The following ZNF385D variants were observed in gnomAD, a reference collection of about 807,000 sequenced individuals.
ZNF385D encodes zinc finger protein 385D.
A neutral mutation model predicts 35.8 loss-of-function variants in ZNF385D; 15 were observed. That is an observed-to-expected ratio of 0.42 (90% CI 0.28 to 0.64). The LOEUF is 0.64. Among genes scored for constraint, ZNF385D ranks in the 30% least tolerant of loss-of-function variants. The probability of loss-of-function intolerance (pLI) is 0.23; values close to 1 mark genes in which losing one functional copy is unlikely to be tolerated. For missense variants in ZNF385D, 474 were observed against 494.6 expected (o/e 0.96, Z 0.39); for synonymous variants, 212 against 186.8 (o/e 1.13, Z -1.10).
rs71044926 is a variant in ZNF385D, at chr3:21,580,807, GTATA to G, written c.166-16127_166-16124del. On this transcript the variant is annotated intron_variant, in intron 2 of 7. Coordinates refer to ENST00000281523, the MANE Select transcript of ZNF385D (RefSeq NM_024697.3). ...TATGTATGTTTGTGTCTATGTGTGT[GTATA>G]TATATATATGTATATACATATTATT... Among the ~76,000 whole-genome samples, 7 of 150,756 alleles carry G rather than the reference GTATA, an allele frequency of 4.6e-5. No homozygotes were observed. The Admixed American group carries it at 4.6e-4, about 10-fold the overall frequency.
At chr3:22,065,587 G>A (rs1699901713) in intron 3 of ZNF385D, among the ~76,000 whole-genome samples, 1 of 152,112 alleles carries the variant, frequency 6.6e-6, no homozygotes, top group Non-Finnish European at 1.5e-5. Flanking sequence ...AATTGGGCAT[G>A]GTGAAAAGAT....
chr3:22,171,222 G>C (rs1221822425), intron 2 of ZNF385D, among the ~76,000 whole-genome samples: 2 of 152,214 alleles, frequency 1.3e-5, no homozygotes, highest in Non-Finnish European at 2.9e-5. Flanking sequence ...GATAGTCACA[G>C]TAGGTGTGCC....
chr3:21,835,591 A>G (rs1387490747), intron 3 of ZNF385D, among the ~76,000 whole-genome samples: 3 of 152,096 alleles, frequency 2.0e-5, no homozygotes, highest in African/African-American at 7.2e-5. Context: ...ATCTTAGCAT[A>G]TGTTCTAATA....
rs375731218 is a variant in ZNF385D, at chr3:21,883,964, G to A, written c.326-218936C>T. 3.5e-4 allele frequency among the ~76,000 whole-genome samples: 53 copies of A among 152,034 alleles called. No homozygotes were observed. The South Asian group carries it at 0.011, about 30-fold the overall frequency. Reference sequence around the variant, plus strand: ...AATTTCTTGTCTTTCAAAGGGAATCGGTTTGTGCACCATTTTGTGATATCC... The same window carrying A: ...AATTTCTTGTCTTTCAAAGGGAATCAGTTTGTGCACCATTTTGTGATATCC... On this transcript the variant is annotated intron_variant, in intron 3 of 5. Transcript: ENST00000494108.
intron 2 of ZNF385D, among the ~76,000 whole-genome samples, chr3:21,567,397 C>A (rs570389087): frequency 6.6e-6 from 1 of 151,980 alleles, no homozygotes; most frequent in South Asian, 2.1e-4. Flanking sequence ...TTATTATTTC[C>A]CCAGAACCAA....
intron 2 of ZNF385D, among the ~76,000 whole-genome samples, chr3:21,626,671 C>T (rs2065143241): frequency 6.6e-6 from 1 of 152,136 alleles, no homozygotes; most frequent in East Asian, 1.9e-4. Flanking sequence ...ATGCAAGTGC[C>T]TATCATCTTT....
At chr3:21,477,354 G>C (rs1180939819) in intron 4 of ZNF385D, among the ~76,000 whole-genome samples, 2 of 152,118 alleles carry the variant, frequency 1.3e-5, no homozygotes, top group Admixed American at 1.3e-4. Flanking sequence ...CTTGAGCCAG[G>C]AGATGGAAGC....
rs142597219 is a variant in ZNF385D, at chr3:21,424,197, G to A, written c.853-133C>T. On this transcript the variant is annotated intron_variant, in intron 6 of 7. Transcript: ENST00000281523. Reference sequence around the variant, plus strand: ...CAGAAAGACAAAAATAAAAGATCATGCACTTTTGTCCTGAGATTCTGATGC... The same window carrying A: ...CAGAAAGACAAAAATAAAAGATCATACACTTTTGTCCTGAGATTCTGATGC... 527 of 653,344 alleles carry A rather than the reference G, an allele frequency of 8.1e-4. 3 individuals are homozygous for A. The African/African-American group carries it at 1.0e-2, about 12-fold the overall frequency. 40.5% of individuals were successfully genotyped at this position (653,344 alleles called of 1,614,324 possible). A position where few individuals can be genotyped will look rare whatever the true frequency, so the allele number is the denominator to read the frequency against.
At chr3:22,300,478 A>C (rs1382249656) in intron 2 of ZNF385D, among the ~76,000 whole-genome samples, 1 of 151,868 alleles carries the variant, frequency 6.6e-6, no homozygotes, top group East Asian at 1.9e-4. Flanking sequence ...TACAGCAAAG[A>C]GAACAATCAA....
intron 3 of ZNF385D, among the ~76,000 whole-genome samples, chr3:22,100,974 T>C (rs1701909435): frequency 6.6e-6 from 1 of 152,026 alleles, no homozygotes; most frequent in South Asian, 2.1e-4. Context: ...TGAATATAAA[T>C]ACTTGGACCC....
chr3:22,356,520 G>C (rs528522111), intron 2 of ZNF385D, among the ~76,000 whole-genome samples: 227 of 152,012 alleles, frequency 1.5e-3, no homozygotes, highest in Non-Finnish European at 2.6e-3. Context: ...CCGTCTGAAT[G>C]AGATTCCAGC....
intron 3 of ZNF385D, among the ~76,000 whole-genome samples, chr3:21,553,752 C>T (rs1481580973): frequency 6.6e-6 from 1 of 152,150 alleles, no homozygotes; most frequent in East Asian, 1.9e-4. Context: ...ACTCTAAATT[C>T]TTTGTTGTCA....
At chr3:21,873,983 A>AT (rs3042168) in intron 3 of ZNF385D, among the ~76,000 whole-genome samples, 57,315 of 149,942 alleles carry the variant, frequency 0.38, 11,085 homozygotes, top group Non-Finnish European at 0.4. Context: ...TCCTGATTTC[A>AT]TTTTTTTTTT....
At chr3:21,477,132 G>A (rs1174150900) in intron 4 of ZNF385D, among the ~76,000 whole-genome samples, 1 of 152,120 alleles carries the variant, frequency 6.6e-6, no homozygotes, top group African/African-American at 2.4e-5. Context: ...AACATTCCCA[G>A]TTAATGGAAG....
chr3:21,651,584 T>C (rs937666855), intron 2 of ZNF385D, among the ~76,000 whole-genome samples: 1 of 151,848 alleles, frequency 6.6e-6, no homozygotes, highest in East Asian at 1.9e-4. Flanking sequence ...CTCAAAGTCA[T>C]TGTGAAAACT....
chr3:21,769,048 C>T (rs1559604448), intron 3 of ZNF385D, among the ~76,000 whole-genome samples: 1 of 151,940 alleles, frequency 6.6e-6, no homozygotes, highest in South Asian at 2.1e-4. Flanking sequence ...CCATCAATAC[C>T]TAATTTATTG....
chr3:21,547,105 C>T (rs1014030815), intron 3 of ZNF385D, among the ~76,000 whole-genome samples: 1 of 152,098 alleles, frequency 6.6e-6, no homozygotes, highest in Admixed American at 6.5e-5. Context: ...CTTTTTATTC[C>T]TTTCTCCTCG....
At chr3:22,200,019 A>T (rs976274785) in intron 2 of ZNF385D, among the ~76,000 whole-genome samples, 3 of 152,174 alleles carry the variant, frequency 2.0e-5, no homozygotes, top group Admixed American at 6.6e-5. Flanking sequence ...TATTTTTCCT[A>T]TTTTATAGGT....
intron 2 of ZNF385D, among the ~76,000 whole-genome samples, chr3:22,320,670 A>G (rs937675486): frequency 2.0e-5 from 3 of 150,586 alleles, no homozygotes; most frequent in African/African-American, 7.4e-5. Context: ...AATATTTAAT[A>G]GATTAAAACT....
Sources: gnomAD v4.1 joint callset for allele counts (sites outside exome capture counted in the v4.1 genomes callset) on GRCh38, gnomAD v4.1.1 for gene constraint, MANE v1.5 for transcripts, NCBI Gene and HGNC (gene_info 2026-07-23, HGNC 2026-07-21) for gene names.